The following GAB2 variants were observed in gnomAD, a reference collection of about 807,000 sequenced individuals.
GAB2 encodes the protein GRB2-associated-binding protein 2.
A neutral mutation model predicts 65.5 loss-of-function variants in GAB2; 26 were observed. The observed-to-expected ratio is 0.40, with a 90% CI of 0.29 to 0.55. GAB2 has a LOEUF of 0.55. Among genes scored for constraint, GAB2 ranks in the 20% least tolerant of loss-of-function variants. GAB2 has a pLI of 0.53. For synonymous variants in GAB2, 321 were observed against 329.6 expected (o/e 0.97, Z 0.28); for missense variants, 884 against 875.8 (o/e 1.01, Z -0.12).
intron 1 of GAB2, among the ~76,000 whole-genome samples, chr11:78,325,503 T>C (rs955339758): frequency 6.6e-6 from 1 of 152,180 alleles, no homozygotes; most frequent in Non-Finnish European, 1.5e-5. Context: ...ATTAATAATA[T>C]TGAACAACAC....
chr11:78,323,815 T>TTTAG (rs1565159624), intron 1 of GAB2, among the ~76,000 whole-genome samples: 1 of 137,070 alleles, frequency 7.3e-6, no homozygotes, highest in Non-Finnish European at 1.5e-5. Context: ...TTTTTTTTTT[T>TTTAG]GAGACAAAGC....
intron 1 of GAB2, among the ~76,000 whole-genome samples, chr11:78,320,437 C>G (rs897438215): frequency 2.6e-5 from 4 of 152,040 alleles, no homozygotes; most frequent in Non-Finnish European, 2.9e-5. Context: ...TATCCTTGTT[C>G]AATGTGGGAA....
At chr11:78,303,504 C>A (rs938765460) in intron 1 of GAB2, among the ~76,000 whole-genome samples, 1 of 152,104 alleles carries the variant, frequency 6.6e-6, no homozygotes, top group Non-Finnish European at 1.5e-5. Context: ...TTCTAGACTT[C>A]CTATGTTTAA....
At chr11:78,374,030 G>A (rs1856603961) in intron 1 of GAB2, among the ~76,000 whole-genome samples, 1 of 152,100 alleles carries the variant, frequency 6.6e-6, no homozygotes, top group Non-Finnish European at 1.5e-5. Context: ...CTAATCCCAG[G>A]TTGCCTTCTA....
At chr11:78,341,665 T>C in intron 1 of GAB2, 1 of 592,450 alleles carries the variant, frequency 1.7e-6, no homozygotes, top group Non-Finnish European at 2.1e-6. Flanking sequence ...CTAATGTCAC[T>C]CTTGGGGTCT....
At chr11:78,370,391 T>C (rs1040927745) in intron 1 of GAB2, among the ~76,000 whole-genome samples, 3 of 152,212 alleles carry the variant, frequency 2.0e-5, no homozygotes, top group African/African-American at 7.2e-5. Context: ...TATTACCTGA[T>C]TTATGCTAAG....
intron 1 of GAB2, among the ~76,000 whole-genome samples, chr11:78,397,124 C>T (rs1277932206): frequency 6.6e-6 from 1 of 151,856 alleles, no homozygotes; most frequent in East Asian, 1.9e-4. Flanking sequence ...CAAGTATTAA[C>T]AAAAAAATTC....
rs1250391340 is a variant in GAB2, at chr11:78,217,586, C to T, written c.*1686G>A. 3.9e-5 allele frequency: 6 copies of T among 152,216 alleles called. No homozygotes were observed. The highest frequency in any genetic ancestry group is 2.0e-4 in the Admixed American group (3 of 15,284). The allele number at this position is 152,216 out of a possible 1,614,324, so 9.4% of individuals were successfully genotyped here. On this transcript the variant is annotated 3_prime_UTR_variant, in exon 10 of 10. Transcript: ENST00000361507. ...CTGTTCGCCCCAGGGTAGAATGAAA[C>T]GTCTGGTCTGTCCTGTTGCTTCTGA...
chr11:78,243,699 C>G (rs898664660), intron 3 of GAB2, among the ~76,000 whole-genome samples: 2 of 151,592 alleles, frequency 1.3e-5, no homozygotes, highest in African/African-American at 4.9e-5. Flanking sequence ...AAAAAATTAG[C>G]TGGGCACAGT....
At chr11:78,361,394 T>C (rs1856432707) in intron 1 of GAB2, among the ~76,000 whole-genome samples, 1 of 151,900 alleles carries the variant, frequency 6.6e-6, no homozygotes, top group African/African-American at 2.4e-5. Context: ...AAATCCTGCA[T>C]GGCAACACGG....
At chr11:78,265,916 C>T (rs998535513) in intron 2 of GAB2, among the ~76,000 whole-genome samples, 3 of 152,032 alleles carry the variant, frequency 2.0e-5, no homozygotes, top group Admixed American at 6.6e-5. Flanking sequence ...TAACCAAACA[C>T]TGTAACTAAA....
At chr11:78,268,800 T>C (rs1168083367) in intron 2 of GAB2, among the ~76,000 whole-genome samples, 1 of 151,508 alleles carries the variant, frequency 6.6e-6, no homozygotes, top group African/African-American at 2.4e-5. Context: ...TAGGGTCAGG[T>C]TTCTCCCTGT....
At chr11:78,300,701 T>G (rs532081076) in intron 1 of GAB2, among the ~76,000 whole-genome samples, 63 of 140,096 alleles carry the variant, frequency 4.5e-4, no homozygotes, top group Non-Finnish European at 7.5e-4. Flanking sequence ...TTTTGTTTTT[T>G]TTTTTTTTTT....
intron 2 of GAB2, among the ~76,000 whole-genome samples, chr11:78,276,978 C>A (rs959914433): frequency 2.6e-5 from 4 of 152,066 alleles, no homozygotes; most frequent in Non-Finnish European, 4.4e-5. Flanking sequence ...CCACCACGCC[C>A]GGCTATTTTT....
At chr11:78,301,377 T>C (rs1867014765) in intron 1 of GAB2, among the ~76,000 whole-genome samples, 1 of 147,688 alleles carries the variant, frequency 6.8e-6, no homozygotes, top group African/African-American at 2.6e-5. Context: ...TCACCCAGGC[T>C]GGAGTGCAAT....
rs923838773 is a variant in GAB2, at chr11:78,389,309, TC to T, written c.75+28336del. On this transcript the variant is annotated intron_variant, in intron 1 of 9. Transcript: ENST00000361507. The stretch of plus-strand genomic sequence containing the variant: ...AGAATGACAGAAAAGCATGTGGTTT[TC>T]CTTTTTTTTTTTTTTGAGACAGAGT... Among the ~76,000 whole-genome samples the T allele has an allele frequency of 3.6e-5, 5 of 139,058 alleles. No individual in the cohort carries two copies. In the Admixed American group the frequency reaches 3.7e-4, roughly 10 times the overall value. The allele number at this position is 139,058 out of a possible 152,430, so 91.2% of individuals were successfully genotyped here. A position where few individuals can be genotyped will look rare whatever the true frequency, so the allele number is the denominator to read the frequency against.
chr11:78,300,542 C>G (rs1301676132), intron 1 of GAB2, among the ~76,000 whole-genome samples: 1 of 63,098 alleles, frequency 1.6e-5, no homozygotes, highest in Non-Finnish European at 3.5e-5. Context: ...CAAAAAACTA[C>G]CACATTGTTT....
intron 1 of GAB2, among the ~76,000 whole-genome samples, chr11:78,307,093 A>G (rs1461781376): frequency 1.3e-5 from 2 of 152,226 alleles, no homozygotes; most frequent in African/African-American, 2.4e-5. Flanking sequence ...AAAACCAAGC[A>G]TTCTAAGAAA....
chr11:78,390,852 A>G (rs1856825706), intron 1 of GAB2, among the ~76,000 whole-genome samples: 1 of 152,234 alleles, frequency 6.6e-6, no homozygotes, highest in African/African-American at 2.4e-5. Flanking sequence ...AATCCGTGAT[A>G]TGTATTAAAC....
Sources: gnomAD v4.1 joint callset for allele counts (sites outside exome capture counted in the v4.1 genomes callset) on GRCh38, gnomAD v4.1.1 for gene constraint, MANE v1.5 for transcripts, NCBI Gene and HGNC (gene_info 2026-07-23, HGNC 2026-07-21) for gene names.